AMTN: variants seen among roughly 807,000 people sequenced by gnomAD.
The protein encoded by AMTN is amelotin.
AMTN carries 29 observed loss-of-function variants against 27.4 expected under a neutral mutation model. The observed-to-expected ratio is 1.06, with a 90% CI of 0.79 to 1.44. AMTN has a LOEUF of 1.44. Ranked by LOEUF, AMTN falls within the 40% of genes most tolerant of loss-of-function variation. The pLI, the probability that AMTN is intolerant of heterozygous loss-of-function variation, is 0.00. For synonymous variants in AMTN, 86 were observed against 95.7 expected (o/e 0.90, Z 0.59); for missense variants, 247 against 248.8 (o/e 0.99, Z 0.05).
At chr4:70,530,682 C>A (rs1469066459) in intron 7 of AMTN, among the ~76,000 whole-genome samples, 2 of 152,078 alleles carry the variant, frequency 1.3e-5, no homozygotes, top group South Asian at 4.1e-4. Context: ...AAAAATACAT[C>A]AAAAAAACTT....
chr4:70,527,941 C>T (rs1426188348), intron 5 of AMTN, among the ~76,000 whole-genome samples: 1 of 152,126 alleles, frequency 6.6e-6, no homozygotes, highest in African/African-American at 2.4e-5. Context: ...GGTTACTGAG[C>T]AATATTCCCT....
intron 5 of AMTN, among the ~76,000 whole-genome samples, chr4:70,525,733 AAAAAT>A (rs781719227): frequency 7.2e-5 from 11 of 152,182 alleles, no homozygotes; most frequent in South Asian, 2.1e-4. Flanking sequence ...TATCTCTACA[AAAAAT>A]AAAATAAAAT....
Position 70,529,177 on chromosome 4 carries a change from C to T in AMTN, c.331-7C>T, listed in dbSNP as rs1463344415. On this transcript the variant is annotated splice_region_variant and splice_polypyrimidine_tract_variant and intron_variant, in intron 6 of 8. Transcript: ENST00000339336. ...CTAACAAATTGTGTTTGTCATTTTG[C>T]TTTTAGGGCACTATCCTAAGCTCAG... The T allele has an allele frequency of 1.3e-6, 2 of 1,555,160 alleles. No individual in the cohort carries two copies. Among genetic ancestry groups the T allele is most frequent in the East Asian group, 2.3e-5 (1 of 43,002 alleles).
chr4:70,529,675 G>A (rs1736174152), intron 7 of AMTN, among the ~76,000 whole-genome samples: 1 of 152,044 alleles, frequency 6.6e-6, no homozygotes, highest in Non-Finnish European at 1.5e-5. Flanking sequence ...TAAATAATTG[G>A]AGGGCTGTAC....
At chr4:70,520,566 A>G (rs929830044) in intron 2 of AMTN, among the ~76,000 whole-genome samples, 13 of 152,250 alleles carry the variant, frequency 8.5e-5, no homozygotes, top group African/African-American at 3.1e-4. Flanking sequence ...ACAACTATTT[A>G]TTGAGTTCTT....
Position 70,531,201 on chromosome 4 carries a change from A to G in AMTN, c.520A>G (p.Thr174Ala). 1 of 1,613,784 alleles carries G rather than the reference A, an allele frequency of 6.2e-7. No individual in the cohort carries two copies. Among genetic ancestry groups the G allele is most frequent in the Non-Finnish European group, 8.5e-7 (1 of 1,179,948 alleles). Residue 174 changes from threonine (T) to alanine (A), a missense_variant, in exon 8 of 9, where the codon ACT (threonine) becomes GCT (alanine). Thr to Ala is a moderately conservative substitution (Grantham distance 58, BLOSUM62 0). Coordinates refer to ENST00000339336, the MANE Select transcript of AMTN (RefSeq NM_212557.4). ...TQGTPAGRLPTPSGTDDDFAV... is the reference protein window; with the variant it reads ...TQGTPAGRLPAPSGTDDDFAV... Reference sequence around the variant, plus strand: ...GGGAACCCCAGCAGGCCGCCTCCCAACTCCCAGTGGCACAGATGACGACTT... The same window carrying G: ...GGGAACCCCAGCAGGCCGCCTCCCAGCTCCCAGTGGCACAGATGACGACTT...
Position 70,528,777 on chromosome 4 carries a change from A to G in AMTN, c.330+19A>G. On this transcript the variant is annotated intron_variant, in intron 6 of 8. Transcript: ENST00000339336. ...AGCCCAGGTAAAAATTATGCTTAAT[A>G]TTGTCTTGATTTTAAATCACCTTGC... 1 of 1,569,980 alleles carries G rather than the reference A, an allele frequency of 6.4e-7. No homozygotes were observed. The highest frequency in any genetic ancestry group is 8.6e-7 in the Non-Finnish European group (1 of 1,162,228).
chr4:70,525,246 G>A (rs1194529523), intron 5 of AMTN, among the ~76,000 whole-genome samples: 3 of 152,128 alleles, frequency 2.0e-5, no homozygotes, highest in African/African-American at 7.2e-5. Flanking sequence ...AAAAATACAT[G>A]GGGGGAAGTT....
At chr4:70,521,638 C>CTTTTTTTTTT (rs1560572106) in intron 2 of AMTN, among the ~76,000 whole-genome samples, 2 of 78,956 alleles carry the variant, frequency 2.5e-5, no homozygotes, top group African/African-American at 5.0e-5. Flanking sequence ...ATACCAACCT[C>CTTTTTTTTTT]TCTTTTTTTT....
intron 4 of AMTN, 42 bp downstream of exon 4, chr4:70,523,975 A>C (rs754305380): frequency 1.3e-6 from 2 of 1,521,226 alleles, no homozygotes; most frequent in Non-Finnish European, 1.8e-6. Context: ...ATTGTGAAAT[A>C]AATATAATGC....
intron 8 of AMTN, among the ~76,000 whole-genome samples, chr4:70,531,838 T>C (rs1253718208): frequency 2.0e-5 from 3 of 152,174 alleles, no homozygotes; most frequent in Admixed American, 1.3e-4. Context: ...GTATTATTTG[T>C]AAAAACGGGG....
chr4:70,521,640 CT>C (rs763143860), intron 2 of AMTN, among the ~76,000 whole-genome samples: 6 of 76,484 alleles, frequency 7.8e-5, no homozygotes, highest in Admixed American at 1.6e-4. Context: ...ACCAACCTCT[CT>C]TTTTTTTTTT....
chr4:70,531,607 G>C (rs1024735126), intron 8 of AMTN, among the ~76,000 whole-genome samples: 3 of 152,106 alleles, frequency 2.0e-5, no homozygotes, highest in African/African-American at 7.2e-5. Flanking sequence ...CCGTCTCCTA[G>C]GTTCAAGCGA....
chr4:70,530,987 A>G, intron 7 of AMTN, 52 bp from the exon 8 acceptor site: 1 of 1,600,406 alleles, frequency 6.2e-7, no homozygotes. Flanking sequence ...TAAAAGAGAA[A>G]AGAAAATGTG....
chr4:70,528,372 C>A (rs1427267717), intron 5 of AMTN, among the ~76,000 whole-genome samples: 2 of 152,062 alleles, frequency 1.3e-5, no homozygotes, highest in Non-Finnish European at 2.9e-5. Flanking sequence ...TATCAATGGC[C>A]GGGCGAGGTG....
At chr4:70,530,611 G>A (rs1268330346) in intron 7 of AMTN, among the ~76,000 whole-genome samples, 2 of 152,174 alleles carry the variant, frequency 1.3e-5, no homozygotes, top group East Asian at 3.9e-4. Flanking sequence ...TATCTTCAAG[G>A]AACATACAAT....
intron 5 of AMTN, among the ~76,000 whole-genome samples, chr4:70,527,940 G>A (rs981668217): frequency 6.6e-6 from 1 of 152,106 alleles, no homozygotes; most frequent in African/African-American, 2.4e-5. Flanking sequence ...GGGTTACTGA[G>A]CAATATTCCC....
chr4:70,532,537 T>C lies in AMTN; in HGVS notation c.*72T>C. The C allele has an allele frequency of 7.4e-7, 1 of 1,359,024 alleles. No homozygotes were observed. Among genetic ancestry groups the C allele is most frequent in the South Asian group, 1.2e-5 (1 of 81,740 alleles). 84.2% of individuals were successfully genotyped at this position (1,359,024 alleles called of 1,614,324 possible). A position where few individuals can be genotyped will look rare whatever the true frequency, so the allele number is the denominator to read the frequency against. On this transcript the variant is annotated 3_prime_UTR_variant, in exon 9 of 9. Coordinates refer to ENST00000339336, the MANE Select transcript of AMTN (RefSeq NM_212557.4). ...ATGTGAATCTTTATCATTGATTATA[T>C]TATGGAATAGATTGAGACACATTGG...
chr4:70,529,150 G>T (rs1379556985), intron 6 of AMTN, 34 bp from the exon 7 acceptor site: 2 of 1,516,528 alleles, frequency 1.3e-6, no homozygotes, highest in South Asian at 2.6e-5. Context: ...ATTAAAATGT[G>T]TCTAACAAAT....
Sources: gnomAD v4.1 joint callset for allele counts (sites outside exome capture counted in the v4.1 genomes callset) on GRCh38, gnomAD v4.1.1 for gene constraint, MANE v1.5 for transcripts, NCBI Gene and HGNC (gene_info 2026-07-23, HGNC 2026-07-21) for gene names.